The following ZDHHC15 variants were observed in gnomAD, a reference collection of about 807,000 sequenced individuals.
ZDHHC15 encodes the protein zDHHC palmitoyltransferase 15, also known as palmitoyltransferase ZDHHC15.
A neutral mutation model predicts 31.7 loss-of-function variants in ZDHHC15; 19 were observed. That is an observed-to-expected ratio of 0.60 (90% CI 0.42 to 0.88). ZDHHC15 has a LOEUF of 0.88. ZDHHC15 is among the 40% of genes least tolerant of loss of function. The pLI is 0.00. For missense variants in ZDHHC15, 209 were observed against 251.2 expected, an observed-to-expected ratio of 0.83 and a Z score of 1.14; for synonymous variants, 103 against 90.0, an observed-to-expected ratio of 1.14 and a Z score of -0.82.
chrX:75,465,496 C>T (rs2084389234), intron 3 of ZDHHC15, among the ~76,000 whole-genome samples: 1 of 111,210 alleles, frequency 9.0e-6, no homozygotes, highest in Admixed American at 9.6e-5. Context: ...CCTGAATAGC[C>T]AAGACAATCC....
chrX:75,420,460 T>C (rs984047114), intron 9 of ZDHHC15, among the ~76,000 whole-genome samples: 1 of 111,551 alleles, frequency 9.0e-6, no homozygotes. Context: ...ACTGGGTATA[T>C]ACCCATCGGA....
rs1206613877 is a variant in ZDHHC15, at chrX:75,369,742, T to C, written c.*3236A>G. Reference sequence around the variant, plus strand: ...ACATAGAAAGTAAGAGTTGTACAAATTGCATACTTTTCAGATTTTTGACAA... The same window carrying C: ...ACATAGAAAGTAAGAGTTGTACAAACTGCATACTTTTCAGATTTTTGACAA... On this transcript the variant is annotated 3_prime_UTR_variant, in exon 12 of 12. Transcript: ENST00000373367. 1 of 111,688 alleles carries C rather than the reference T, an allele frequency of 9.0e-6. No individual in the cohort carries two copies. The highest frequency in any genetic ancestry group is 1.9e-5 in the Non-Finnish European group (1 of 53,191). 9.2% of individuals were successfully genotyped at this position (111,688 alleles called of 1,213,427 possible). A position where few individuals can be genotyped will look rare whatever the true frequency, so the allele number is the denominator to read the frequency against.
At chrX:75,482,299 G>T (rs1285702706) in intron 2 of ZDHHC15, among the ~76,000 whole-genome samples, 2 of 111,846 alleles carry the variant, frequency 1.8e-5, no homozygotes, top group Non-Finnish European at 3.8e-5. Flanking sequence ...TTTTTTAAAA[G>T]AGTTGTTTCC....
intron 10 of ZDHHC15, among the ~76,000 whole-genome samples, chrX:75,407,079 G>A (rs2083419818): frequency 8.9e-6 from 1 of 112,531 alleles, no homozygotes; most frequent in South Asian, 3.7e-4. Flanking sequence ...AAAGTGCCGA[G>A]ATTGCAGCCT....
chrX:75,513,126 A>T (rs1334982283), intron 1 of ZDHHC15, among the ~76,000 whole-genome samples: 1 of 109,963 alleles, frequency 9.1e-6, no homozygotes, highest in African/African-American at 3.3e-5. Flanking sequence ...TACACCTTAT[A>T]CAAAATCAAT....
chrX:75,472,905 C>T (rs929248545), intron 3 of ZDHHC15, among the ~76,000 whole-genome samples: 1 of 111,996 alleles, frequency 8.9e-6, no homozygotes, highest in African/African-American at 3.2e-5. Context: ...CAGCCAGCTA[C>T]CTGGTGGCAG....
chrX:75,434,955 T>C (rs2083830514), intron 4 of ZDHHC15, among the ~76,000 whole-genome samples: 1 of 112,439 alleles, frequency 8.9e-6, no homozygotes, highest in African/African-American at 3.2e-5. Flanking sequence ...ATATTGATTA[T>C]ACCCATTCAT....
At chrX:75,380,510 A>G (rs188496624) in intron 10 of ZDHHC15, among the ~76,000 whole-genome samples, 4 of 111,621 alleles carry the variant, frequency 3.6e-5, no homozygotes, top group African/African-American at 1.3e-4. Flanking sequence ...TTTTCCTCCA[A>G]GCAATTATTT....
rs746729466 is a variant in ZDHHC15 at position 75,379,249 on chromosome X, G to T, written c.968-51C>A. 10 of 1,172,701 alleles carry T rather than the reference G, an allele frequency of 8.5e-6. No homozygotes were observed. The Admixed American group carries it at 2.0e-4, about 23-fold the overall frequency. On this transcript the variant is annotated intron_variant, in intron 10 of 11. Transcript: ENST00000373367. Reference sequence around the variant, plus strand: ...TCAAATGTCCCCGTGCCTTATATGGGTGGGTATTCATTCACTGGCAGTTTT... The same window carrying T: ...TCAAATGTCCCCGTGCCTTATATGGTTGGGTATTCATTCACTGGCAGTTTT...
chrX:75,510,368 T>C (rs915656693), intron 1 of ZDHHC15, among the ~76,000 whole-genome samples: 5 of 110,213 alleles, frequency 4.5e-5, no homozygotes, highest in African/African-American at 1.6e-4. Flanking sequence ...CTGTTTGTCA[T>C]ATGAATGACA....
chrX:75,453,434 G>A (rs918604793), intron 3 of ZDHHC15, among the ~76,000 whole-genome samples: 2 of 111,393 alleles, frequency 1.8e-5, no homozygotes, highest in Non-Finnish European at 3.8e-5. Context: ...GGACCAGATG[G>A]ATTCACAGCC....
intron 10 of ZDHHC15, among the ~76,000 whole-genome samples, chrX:75,401,761 A>G (rs992348342): frequency 2.7e-5 from 3 of 112,256 alleles, no homozygotes; most frequent in Non-Finnish European, 1.9e-5. Context: ...AGAGATGTAC[A>G]AAGAGACAGA....
chrX:75,390,094 G>A (rs758332239), intron 10 of ZDHHC15, among the ~76,000 whole-genome samples: 2 of 111,992 alleles, frequency 1.8e-5, no homozygotes, highest in South Asian at 7.5e-4. Context: ...TGTGGGCCTG[G>A]GGCAGTAGTG....
At chrX:75,486,321 C>T (rs1602710257) in intron 2 of ZDHHC15, among the ~76,000 whole-genome samples, 1 of 112,321 alleles carries the variant, frequency 8.9e-6, no homozygotes, top group Non-Finnish European at 1.9e-5. Flanking sequence ...GAAGCCATTC[C>T]TGGCTTTATC....
intron 3 of ZDHHC15, among the ~76,000 whole-genome samples, chrX:75,453,786 A>G (rs2084167025): frequency 9.0e-6 from 1 of 111,531 alleles, no homozygotes; most frequent in South Asian, 3.9e-4. Flanking sequence ...AAAGACAAAA[A>G]CCACATGATT....
intron 1 of ZDHHC15, among the ~76,000 whole-genome samples, chrX:75,516,935 C>A (rs1459399818): frequency 8.9e-6 from 1 of 112,172 alleles, no homozygotes; most frequent in Non-Finnish European, 1.9e-5. Context: ...AGGATATGAA[C>A]AGACATTTCT....
chrX:75,393,393 C>T (rs1307842084), intron 10 of ZDHHC15, among the ~76,000 whole-genome samples: 2 of 111,204 alleles, frequency 1.8e-5, no homozygotes, highest in Non-Finnish European at 3.8e-5. Flanking sequence ...TCATCATTTT[C>T]CTTCACCAGT....
intron 2 of ZDHHC15, among the ~76,000 whole-genome samples, chrX:75,497,933 C>CTTTTT (rs1229705652): frequency 1.3e-4 from 11 of 87,813 alleles, no homozygotes; most frequent in Non-Finnish European, 1.5e-4. Flanking sequence ...AGGATGCCCA[C>CTTTTT]TTTTTTTTTT....
intron 2 of ZDHHC15, among the ~76,000 whole-genome samples, chrX:75,503,839 C>T (rs1443740124): frequency 9.0e-6 from 1 of 111,254 alleles, no homozygotes; most frequent in Non-Finnish European, 1.9e-5. Flanking sequence ...AAGGTGTAGG[C>T]AGGGCCATAC....
Sources: allele counts gnomAD v4.1 joint callset (sites outside exome capture counted in the v4.1 genomes callset), GRCh38; gene constraint gnomAD v4.1.1; transcripts MANE v1.5; gene names NCBI Gene and HGNC (gene_info 2026-07-23, HGNC 2026-07-21).